Variants in CADPS2 observed in about 807,000 individuals in gnomAD.
CADPS2 encodes calcium dependent secretion activator 2, also known as calcium-dependent secretion activator 2.
In CADPS2, 93 loss-of-function variants were observed where a neutral mutation model predicts 172.5. That is an observed-to-expected ratio of 0.54 (90% confidence interval 0.46 to 0.64). The LOEUF is 0.64. Ranked by LOEUF, CADPS2 falls within the 30% of genes least tolerant of loss-of-function variation. The pLI, the probability that CADPS2 is intolerant of heterozygous loss-of-function variation, is 0.00. For synonymous variants in CADPS2, 546 were observed against 555.2 expected, an observed-to-expected ratio of 0.98 and a Z score of 0.23; for missense variants, 1,420 against 1,565.9, an observed-to-expected ratio of 0.91 and a Z score of 1.57.
At chr7:122,573,606 T>C (rs1031460655) in intron 7 of CADPS2, among the ~76,000 whole-genome samples, 4 of 152,102 alleles carry the variant, frequency 2.6e-5, no homozygotes, top group Non-Finnish European at 5.9e-5. Flanking sequence ...AATGTTTTCA[T>C]AGCAACATTT....
chr7:122,502,601 A>C (rs1191462942), intron 9 of CADPS2, among the ~76,000 whole-genome samples: 2 of 152,098 alleles, frequency 1.3e-5, no homozygotes, highest in African/African-American at 4.8e-5. Context: ...ATTTTGACAA[A>C]ATCTAGAGGT....
intron 4 of CADPS2, among the ~76,000 whole-genome samples, chr7:122,627,189 G>A (rs901272993): frequency 6.6e-6 from 1 of 152,190 alleles, no homozygotes; most frequent in African/African-American, 2.4e-5. Context: ...AAATAATCTT[G>A]TCTAAGCCTC....
intron 25 of CADPS2, among the ~76,000 whole-genome samples, chr7:122,376,404 G>A (rs961474886): frequency 3.9e-4 from 60 of 152,014 alleles, no homozygotes; most frequent in Admixed American, 3.9e-3. Context: ...CTCAAAAGAA[G>A]GAAATCCTGC....
intron 17 of CADPS2, among the ~76,000 whole-genome samples, chr7:122,435,981 G>A (rs576306803): frequency 1.3e-5 from 2 of 152,180 alleles, no homozygotes; most frequent in African/African-American, 4.8e-5. Context: ...AGAACATGAA[G>A]CGGTATTATT....
chr7:122,772,392 G>A (rs2093732051), intron 1 of CADPS2, among the ~76,000 whole-genome samples: 1 of 152,138 alleles, frequency 6.6e-6, no homozygotes, highest in African/African-American at 2.4e-5. Flanking sequence ...TTCCTAACAG[G>A]TGAAAAATTA....
rs562050686 is a variant in CADPS2, at chr7:122,811,234, C to T, written c.340-74166G>A. ...CCCTGTAAATGATTGCTTTCCCATT[C>T]AGCTGATGAGAAAAGTAAGGACAAA... On this transcript the variant is annotated intron_variant, in intron 1 of 29. Coordinates refer to ENST00000449022, the MANE Select transcript of CADPS2 (RefSeq NM_017954.11). Among the ~76,000 whole-genome samples, 97 of 152,292 alleles carry T rather than the reference C, an allele frequency of 6.4e-4. 4 individuals are homozygous for T. In the South Asian group the frequency reaches 0.019, roughly 30 times the overall value.
intron 2 of CADPS2, among the ~76,000 whole-genome samples, chr7:122,688,772 G>GA (rs1406512146): frequency 6.6e-6 from 1 of 152,178 alleles, no homozygotes; most frequent in Non-Finnish European, 1.5e-5. Context: ...TGGTAACGGG[G>GA]AGTTATACAC....
chr7:122,509,815 G>A lies in CADPS2; in HGVS notation c.1542+3434C>T, dbSNP rs145362100. On this transcript the variant is annotated intron_variant, in intron 9 of 29. Coordinates refer to ENST00000449022, the MANE Select transcript of CADPS2 (RefSeq NM_017954.11). ...GTATAATAATAATACCTACCTTCACGGGCTTATTCTGATAAGATAAAGTAT... is the reference window on the plus strand; with the variant it reads ...GTATAATAATAATACCTACCTTCACAGGCTTATTCTGATAAGATAAAGTAT... Among the ~76,000 whole-genome samples, 1,395 of 151,838 alleles carry A rather than the reference G, an allele frequency of 9.2e-3. 10 individuals carry two copies. The highest frequency in any genetic ancestry group is 0.012 in the Non-Finnish European group (849 of 67,968).
intron 28 of CADPS2, among the ~76,000 whole-genome samples, chr7:122,344,696 A>G (rs2037307395): frequency 6.6e-6 from 1 of 152,184 alleles, no homozygotes; most frequent in South Asian, 2.1e-4. Context: ...AGTAGGGACC[A>G]CATCCATTAG....
At chr7:122,736,584 A>T (rs1477113552) in intron 2 of CADPS2, among the ~76,000 whole-genome samples, 1 of 152,166 alleles carries the variant, frequency 6.6e-6, no homozygotes, top group Non-Finnish European at 1.5e-5. Context: ...AATTATTATA[A>T]AGCTTAGGGA....
chr7:122,520,664 A>G (rs187778675), intron 8 of CADPS2, among the ~76,000 whole-genome samples: 66 of 152,176 alleles, frequency 4.3e-4, no homozygotes, highest in Admixed American at 2.4e-3. Context: ...GCTTACCCAA[A>G]CACTTTAAAA....
chr7:122,425,587 CAG>C (rs2049064220), intron 17 of CADPS2, among the ~76,000 whole-genome samples: 1 of 151,934 alleles, frequency 6.6e-6, no homozygotes, highest in South Asian at 2.1e-4. Flanking sequence ...GCCTAGGTGA[CAG>C]AGTGAGACCC....
At position 122,615,235 on chromosome 7, in the gene CADPS2, A is replaced by G; in HGVS notation, c.1169T>C (p.Met390Thr). Residue 390 changes from methionine (M) to threonine (T), a missense_variant, in exon 6 of 30, where the codon ATG becomes ACG. Transcript: ENST00000449022. ...VAPNRIVYCT[M>T]EVEGEKLQTD... ...CTGAAGTTTTTCTCCTTCCACTTCC[A>G]TTGTACAGTAAACAATTCGATTGGG... 6.4e-7 allele frequency: 1 copy of G among 1,561,512 alleles called. No individual in the cohort carries two copies. Among genetic ancestry groups the G allele is most frequent in the Non-Finnish European group, 8.7e-7 (1 of 1,150,750 alleles).
chr7:122,658,350 G>A (rs2080077142), intron 3 of CADPS2, among the ~76,000 whole-genome samples: 1 of 119,116 alleles, frequency 8.4e-6, no homozygotes, highest in African/African-American at 2.9e-5. Flanking sequence ...CAAGGATCTA[G>A]AACTAGAAAT....
intron 3 of CADPS2, among the ~76,000 whole-genome samples, chr7:122,656,193 T>C (rs2079760143): frequency 6.6e-6 from 1 of 152,138 alleles, no homozygotes; most frequent in Non-Finnish European, 1.5e-5. Context: ...TCCCAAACTT[T>C]GCTGGACTTT....
chr7:122,809,861 C>T (rs1233159318), intron 1 of CADPS2, among the ~76,000 whole-genome samples: 2 of 152,124 alleles, frequency 1.3e-5, no homozygotes, highest in Admixed American at 6.5e-5. Context: ...CAGATTCTCT[C>T]GTCTTTCCAC....
chr7:122,684,262 T>C (rs560565788), intron 2 of CADPS2, among the ~76,000 whole-genome samples: 1 of 152,288 alleles, frequency 6.6e-6, no homozygotes, highest in Non-Finnish European at 1.5e-5. Flanking sequence ...TCTGAGAATC[T>C]ATCAACTATG....
intron 3 of CADPS2, among the ~76,000 whole-genome samples, chr7:122,636,989 T>C (rs555140805): frequency 3.3e-5 from 5 of 152,204 alleles, no homozygotes; most frequent in African/African-American, 1.2e-4. Context: ...CAATGAGTTG[T>C]AGATTTGGTG....
chr7:122,404,382 C>T (rs1343111094), intron 20 of CADPS2, among the ~76,000 whole-genome samples: 1 of 152,112 alleles, frequency 6.6e-6, no homozygotes, highest in African/African-American at 2.4e-5. Context: ...TTTCTTAATC[C>T]AGTCTATCAT....
Sources: gnomAD v4.1 joint callset for allele counts (sites outside exome capture counted in the v4.1 genomes callset) on GRCh38, gnomAD v4.1.1 for gene constraint, MANE v1.5 for transcripts, NCBI Gene and HGNC (gene_info 2026-07-23, HGNC 2026-07-21) for gene names.